GPM6A: variants seen among roughly 807,000 people sequenced by gnomAD.
The protein encoded by GPM6A is glycoprotein M6A, also known as neuronal membrane glycoprotein M6-a.
A neutral mutation model predicts 32.1 loss-of-function variants in GPM6A; 7 were observed. The ratio of observed to expected loss-of-function variants is 0.22; its 90% CI spans 0.12 to 0.41. GPM6A has a LOEUF of 0.41. GPM6A is among the 10% of genes least tolerant of loss of function. GPM6A has a pLI of 1.00. For synonymous variants in GPM6A, 130 were observed against 123.4 expected (o/e 1.05, Z -0.35); for missense variants, 235 against 347.2 (o/e 0.68, Z 2.57).
chr4:175,715,189 G>A (rs1005469420), intron 1 of GPM6A, among the ~76,000 whole-genome samples: 1 of 152,066 alleles, frequency 6.6e-6, no homozygotes, highest in Non-Finnish European at 1.5e-5. Context: ...TCAAAACTTT[G>A]CTCAAAATAC....
chr4:175,683,366 T>A (rs1002298636), intron 2 of GPM6A, among the ~76,000 whole-genome samples: 2 of 152,010 alleles, frequency 1.3e-5, no homozygotes, highest in Non-Finnish European at 2.9e-5. Flanking sequence ...GTAGAAGGGG[T>A]TTGGCTTGTC....
chr4:175,835,649 ATGCT>A (rs1735744927), intron 1 of GPM6A, among the ~76,000 whole-genome samples: 1 of 143,340 alleles, frequency 7.0e-6, no homozygotes. Flanking sequence ...ATATATATAT[ATGCT>A]TGTATGTTTG....
chr4:175,704,188 T>C (rs1486158644), intron 1 of GPM6A, among the ~76,000 whole-genome samples: 2 of 152,160 alleles, frequency 1.3e-5, no homozygotes, highest in Non-Finnish European at 2.9e-5. Context: ...TTGACAATTC[T>C]AGTCCATCCC....
intron 1 of GPM6A, among the ~76,000 whole-genome samples, chr4:175,906,391 C>T (rs966854152): frequency 1.2e-4 from 19 of 152,074 alleles, no homozygotes; most frequent in Non-Finnish European, 2.5e-4. Flanking sequence ...TTGGTTTTGG[C>T]TTTTGATTTA....
At chr4:175,663,868 A>G (rs890137145) in intron 3 of GPM6A, among the ~76,000 whole-genome samples, 1 of 151,878 alleles carries the variant, frequency 6.6e-6, no homozygotes, top group Non-Finnish European at 1.5e-5. Context: ...TAATTTTTGT[A>G]TTCTTAGTAG....
intron 1 of GPM6A, among the ~76,000 whole-genome samples, chr4:175,919,539 A>G (rs1202892502): frequency 6.6e-6 from 1 of 152,214 alleles, no homozygotes; most frequent in Admixed American, 6.5e-5. Context: ...ACTTTCCAGC[A>G]GGCTTGTAAC....
At chr4:175,937,740 CAAT>C (rs1303493271) in intron 1 of GPM6A, among the ~76,000 whole-genome samples, 1 of 151,854 alleles carries the variant, frequency 6.6e-6, no homozygotes, top group Non-Finnish European at 1.5e-5. Flanking sequence ...GTTGCATTCA[CAAT>C]GTTGAATTTA....
intron 1 of GPM6A, among the ~76,000 whole-genome samples, chr4:175,904,860 A>G (rs1349317672): frequency 3.3e-5 from 5 of 152,210 alleles, no homozygotes; most frequent in African/African-American, 1.2e-4. Context: ...TTCAGAAGGT[A>G]CATCAATTTT....
At chr4:175,890,361 A>C (rs1444409625) in intron 1 of GPM6A, among the ~76,000 whole-genome samples, 1 of 152,210 alleles carries the variant, frequency 6.6e-6, no homozygotes, top group Non-Finnish European at 1.5e-5. Flanking sequence ...ATAGTTCTTG[A>C]CAGCACTACC....
chr4:175,710,853 G>A (rs1745487693), intron 1 of GPM6A, among the ~76,000 whole-genome samples: 1 of 152,082 alleles, frequency 6.6e-6, no homozygotes, highest in Non-Finnish European at 1.5e-5. Flanking sequence ...GTCCTTTAGA[G>A]TCCTGACCCT....
intron 1 of GPM6A, among the ~76,000 whole-genome samples, chr4:175,840,866 T>C (rs17609252): frequency 0.15 from 22,706 of 152,110 alleles, 2,269 homozygotes; most frequent in Middle Eastern, 0.26. Context: ...AAGACAATAA[T>C]AGCAAAACAT....
At chr4:175,872,947 A>G (rs1371624516) in intron 1 of GPM6A, among the ~76,000 whole-genome samples, 1 of 152,174 alleles carries the variant, frequency 6.6e-6, no homozygotes. Context: ...TCATAAAGGG[A>G]TCAAAAGAAA....
At chr4:175,935,620 T>G (rs761023916) in intron 1 of GPM6A, among the ~76,000 whole-genome samples, 3 of 151,910 alleles carry the variant, frequency 2.0e-5, no homozygotes, top group African/African-American at 4.8e-5. Flanking sequence ...TGAAGAAAAA[T>G]ACAAAAGAGA....
At chr4:175,826,632 G>A (rs1231994875) in intron 1 of GPM6A, among the ~76,000 whole-genome samples, 2 of 152,096 alleles carry the variant, frequency 1.3e-5, no homozygotes, top group African/African-American at 4.8e-5. Context: ...ACAAAGAAGT[G>A]AATACAGAGA....
intron 1 of GPM6A, among the ~76,000 whole-genome samples, chr4:175,855,249 C>T (rs1178629717): frequency 1.3e-5 from 2 of 152,130 alleles, no homozygotes; most frequent in Non-Finnish European, 2.9e-5. Context: ...CAGATCTCAA[C>T]TAAATATGAT....
At chr4:175,695,948 C>G (rs1243773870) in intron 2 of GPM6A, among the ~76,000 whole-genome samples, 1 of 152,062 alleles carries the variant, frequency 6.6e-6, no homozygotes, top group African/African-American at 2.4e-5. Context: ...CAGTGCTGCT[C>G]TGGAGATAGT....
chr4:175,851,603 T>A (rs1049891330), intron 1 of GPM6A, among the ~76,000 whole-genome samples: 2 of 151,916 alleles, frequency 1.3e-5, no homozygotes, highest in African/African-American at 4.8e-5. Context: ...AGTTCTCTAG[T>A]GTAAAATGGG....
At position 175,936,306 on chromosome 4, in the gene GPM6A, CAAAAAAAAAAAAAA is replaced by C. The variant is rs35653197; in HGVS notation, c.-23+65989_-23+66002del. ...GGGCGACACAGCGAGACTCTGTCTCCAAAAAAAAAAAAAAAAAAAAAAAAAAAAAACTATACATT... is the reference window on the plus strand; with the variant it reads ...GGGCGACACAGCGAGACTCTGTCTCCAAAAAAAAAAAAAAAACTATACATT... On this transcript the variant is annotated intron_variant, in intron 1 of 7. Coordinates refer to the GPM6A transcript ENST00000280187. Among the ~76,000 whole-genome samples, 6 of 45,600 alleles carry C rather than the reference CAAAAAAAAAAAAAA, an allele frequency of 1.3e-4. No individual in the cohort carries two copies. The South Asian group carries it at 6.1e-3, about 46-fold the overall frequency. The allele number at this position is 45,600 out of a possible 152,430, so 29.9% of individuals were successfully genotyped here.
intron 1 of GPM6A, among the ~76,000 whole-genome samples, chr4:175,844,936 C>CT (rs1366889921): frequency 6.6e-6 from 1 of 152,032 alleles, no homozygotes; most frequent in African/African-American, 2.4e-5. Flanking sequence ...ATGTTAAGCA[C>CT]TTTTTTCAGC....
Sources: gnomAD v4.1 joint callset for allele counts (sites outside exome capture counted in the v4.1 genomes callset) on GRCh38, gnomAD v4.1.1 for gene constraint, MANE v1.5 for transcripts, NCBI Gene and HGNC (gene_info 2026-07-23, HGNC 2026-07-21) for gene names.